TPGS2: variants seen among roughly 807,000 people sequenced by gnomAD.
TPGS2 encodes the protein polyglutamylase subunit 2.
TPGS2 carries 26 observed loss-of-function variants against 31.1 expected under a neutral mutation model. The ratio of observed to expected loss-of-function variants is 0.84; its 90% CI spans 0.61 to 1.16. TPGS2 has a LOEUF of 1.16. Among genes scored for constraint, TPGS2 ranks in the 50% most tolerant of loss-of-function variants. TPGS2 has a pLI of 0.00. For missense variants in TPGS2, 351 were observed against 363.8 expected (o/e 0.96, Z 0.29); for synonymous variants, 130 against 136.6 (o/e 0.95, Z 0.34).
At chr18:36,793,221 G>A (rs776862436), downstream of TPGS2, among the ~76,000 whole-genome samples, 2 of 152,182 alleles carry the variant, frequency 1.3e-5, no homozygotes, top group Non-Finnish European at 2.9e-5. Flanking sequence ...ATATATGCAT[G>A]AGCGGAGGAG....
chr18:36,798,525 C>A lies in TPGS2; in HGVS notation c.581G>T (p.Arg194Leu). The A allele has an allele frequency of 1.2e-6, 2 of 1,614,142 alleles. No homozygotes were observed. Among genetic ancestry groups the A allele is most frequent in the East Asian group, 2.2e-5 (1 of 44,880 alleles). The change falls in exon 6 of 7, where the codon CGC becomes CTC. Residue 194 changes from arginine (R) to leucine (L), a missense_variant. By Grantham distance (102) the Arg-to-Leu change is moderately radical. Coordinates refer to ENST00000334295, the MANE Select transcript of TPGS2 (RefSeq NM_015476.4). Reference protein sequence around the residue: ...FLTDTFTAYYRLLITHLGLPQ... With the variant: ...FLTDTFTAYYLLLITHLGLPQ... ...CAGGCCCAGGTGGGTGATGAGCAGG[C>A]GGTAATAGGCAGTAAAGGTGTCTGT...
intron 1 of TPGS2, among the ~76,000 whole-genome samples, chr18:36,820,550 T>C (rs2045851586): frequency 6.6e-6 from 1 of 152,248 alleles, no homozygotes; most frequent in African/African-American, 2.4e-5. Flanking sequence ...ATTCCATTTG[T>C]ATAATTCTCT....
intron 2 of TPGS2, 22 bp downstream of exon 2, chr18:36,818,872 G>C (rs2045775458): frequency 1.9e-6 from 3 of 1,585,356 alleles, no homozygotes; most frequent in Non-Finnish European, 8.6e-7. Flanking sequence ...ATGGGAGGTA[G>C]AGTTCATGTG....
At chr18:36,827,826 A>G (rs1399376343) in intron 1 of TPGS2, among the ~76,000 whole-genome samples, 1 of 152,156 alleles carries the variant, frequency 6.6e-6, no homozygotes, top group African/African-American at 2.4e-5. Flanking sequence ...TCACACTCCT[A>G]GTGACCTCAT....
Position 36,796,499 on chromosome 18 carries a change from TAATC to T in TPGS2, c.*302_*305del, listed in dbSNP as rs61405145. On this transcript the variant is annotated 3_prime_UTR_variant, in exon 7 of 7. Coordinates refer to ENST00000334295, the MANE Select transcript of TPGS2 (RefSeq NM_015476.4). Reference sequence around the variant, plus strand: ...CAGTGGTTTCTTTGGGGGACCTCTCTAATCAATCAGTGCTAAGGGATTGAGGGTT... The same window carrying T: ...CAGTGGTTTCTTTGGGGGACCTCTCTAATCAGTGCTAAGGGATTGAGGGTT... 0.15 allele frequency: 162,553 copies of T among 1,120,090 alleles called. 12,823 individuals carry two copies. Among genetic ancestry groups the T allele is most frequent in the Admixed American group, 0.17 (3,296 of 19,876 alleles). The allele number at this position is 1,120,090 out of a possible 1,614,324, so 69.4% of individuals were successfully genotyped here. A position where few individuals can be genotyped will look rare whatever the true frequency, so the allele number is the denominator to read the frequency against.
At chr18:36,780,042 T>C, downstream of TPGS2, 1 of 815,094 alleles carries the variant, frequency 1.2e-6, no homozygotes, top group Non-Finnish European at 1.6e-6. Flanking sequence ...ACTAAATAAA[T>C]AGAGTTTAAT....
intron 6 of TPGS2, among the ~76,000 whole-genome samples, chr18:36,797,629 A>G (rs1163805466): frequency 6.7e-6 from 1 of 149,476 alleles, no homozygotes; most frequent in African/African-American, 2.5e-5. Context: ...TGACATTTGA[A>G]GAAAATGAAG....
rs866504139 is a variant in TPGS2 at position 36,798,560 on chromosome 18, C to T, written c.546G>A (p.Trp182Ter). The change falls in exon 6 of 7, where the codon TGG becomes TGA. Residue 182 changes from tryptophan (W) to a stop codon, truncating the protein, a stop_gained. Coordinates refer to ENST00000334295, the MANE Select transcript of TPGS2 (RefSeq NM_015476.4). LOFTEE classifies it high-confidence loss of function. ...EIWFLDRALY[W>*]HFLTDTFTAY... is the part of the protein sequence containing the mutation. Reference sequence around the variant, plus strand: ...CAGTAAAGGTGTCTGTGAGAAAATGCCAGTATAACGCTCTGTCCAGGAACC... The same window carrying T: ...CAGTAAAGGTGTCTGTGAGAAAATGTCAGTATAACGCTCTGTCCAGGAACC... 1 of 1,614,050 alleles carries T rather than the reference C, an allele frequency of 6.2e-7. No individual in the cohort carries two copies. Among genetic ancestry groups the T allele is most frequent in the Non-Finnish European group, 8.5e-7 (1 of 1,180,044 alleles).
At chr18:36,823,006 T>C (rs994297578) in intron 1 of TPGS2, among the ~76,000 whole-genome samples, 1 of 152,262 alleles carries the variant, frequency 6.6e-6, no homozygotes, top group Non-Finnish European at 1.5e-5. Context: ...TTGACGTGCA[T>C]AGCATTTGCT....
intron 1 of TPGS2, among the ~76,000 whole-genome samples, chr18:36,827,853 C>T (rs2150724574): frequency 6.6e-6 from 1 of 152,242 alleles, no homozygotes; most frequent in Non-Finnish European, 1.5e-5. Flanking sequence ...ATTTTTTTCA[C>T]AGAACTGTGT....
At chr18:36,781,218 C>A (rs1211626612), downstream of TPGS2, among the ~76,000 whole-genome samples, 1 of 152,168 alleles carries the variant, frequency 6.6e-6, no homozygotes, top group Non-Finnish European at 1.5e-5. Context: ...ATACCCTCCA[C>A]GGAAGCCCCT....
downstream of TPGS2, chr18:36,789,865 G>C (rs1159467978): frequency 6.6e-6 from 1 of 152,416 alleles, no homozygotes; most frequent in East Asian, 1.9e-4. Flanking sequence ...CACCATGTAA[G>C]ATGTGCCTTT....
rs774961679 is a variant in TPGS2 at position 36,828,804 on chromosome 18, T to G, written c.-37A>C. On this transcript the variant is annotated 5_prime_UTR_variant, in exon 1 of 7. Transcript: ENST00000334295. ...GCGATTCGCGCGCGGCGGGAGCGGG[T>G]GGAGGGCCGGACCCCGCCTCAGCGC... is the stretch of plus-strand genomic sequence containing the variant. 12 of 1,606,440 alleles carry G rather than the reference T, an allele frequency of 7.5e-6. No individual in the cohort carries two copies. The African/African-American group carries it at 1.6e-4, about 22-fold the overall frequency.
intron 2 of TPGS2, among the ~76,000 whole-genome samples, chr18:36,813,628 G>A (rs1278415041): frequency 6.6e-6 from 1 of 152,218 alleles, no homozygotes; most frequent in Non-Finnish European, 1.5e-5. Context: ...TAACGCCAGA[G>A]CATAAACTAT....
chr18:36,781,860 C>T (rs901701488), downstream of TPGS2: 19 of 985,210 alleles, frequency 1.9e-5, no homozygotes, highest in Admixed American at 9.8e-4. Context: ...TGTGAACACC[C>T]CAGGAGAGCC....
intron 6 of TPGS2, 104 bp downstream of exon 6, chr18:36,798,345 A>G: frequency 6.4e-7 from 1 of 1,564,576 alleles, no homozygotes; most frequent in Non-Finnish European, 8.7e-7. Context: ...CCCACCCTAG[A>G]TCTCCTGAAT....
intron 3 of TPGS2, among the ~76,000 whole-genome samples, chr18:36,806,764 T>G (rs962307593): frequency 7.0e-6 from 1 of 142,276 alleles, no homozygotes; most frequent in African/African-American, 2.6e-5. Flanking sequence ...GGCAGAAGAA[T>G]CTCTTGAACC....
chr18:36,794,259 A>T lies in TPGS2; in HGVS notation c.*2546T>A. ...AATGTTTTCCTGCTGTTTGCACAAA[A>T]GCCTCACATCTTCATTTTGTACTGG... On this transcript the variant is annotated 3_prime_UTR_variant, in exon 7 of 7. Coordinates refer to ENST00000334295, the MANE Select transcript of TPGS2 (RefSeq NM_015476.4). The T allele has an allele frequency of 3.1e-6, 3 of 982,226 alleles. No homozygotes were observed. The highest frequency in any genetic ancestry group is 3.6e-6 in the Non-Finnish European group (3 of 827,012). The allele number at this position is 982,226 out of a possible 1,614,324, so 60.8% of individuals were successfully genotyped here.
rs760103484 is a variant in TPGS2 at position 36,828,818 on chromosome 18, C to A, written c.-51G>T. On this transcript the variant is annotated 5_prime_UTR_variant, in exon 1 of 7. Transcript: ENST00000334295. ...GCGGGAGCGGGTGGAGGGCCGGACC[C>A]CGCCTCAGCGCCGAGGCCAATTTCA... The A allele has an allele frequency of 1.3e-6, 2 of 1,597,504 alleles. No individual in the cohort carries two copies. Among genetic ancestry groups the A allele is most frequent in the Admixed American group, 3.4e-5 (2 of 59,694 alleles).
Sources: gnomAD v4.1 joint callset for allele counts (sites outside exome capture counted in the v4.1 genomes callset) on GRCh38, gnomAD v4.1.1 for gene constraint, MANE v1.5 for transcripts, NCBI Gene and HGNC (gene_info 2026-07-23, HGNC 2026-07-21) for gene names.